Variants in PPP1R3B observed in about 807,000 individuals in gnomAD.
PPP1R3B encodes the protein PP1 subunit R4.
In PPP1R3B, 8 loss-of-function variants were observed where a neutral mutation model predicts 14.6. The observed-to-expected ratio is 0.55, with a 90% CI of 0.32 to 0.99. The LOEUF is 0.99. Among genes scored for constraint, PPP1R3B ranks in the 50% least tolerant of loss-of-function variants. The pLI, the probability that PPP1R3B is intolerant of heterozygous loss-of-function variation, is 0.04. For missense variants in PPP1R3B, 452 were observed against 360.1 expected (o/e 1.26, Z -2.07); for synonymous variants, 169 against 142.0 (o/e 1.19, Z -1.35).
chr8:9,148,061 G>A (rs964246715), intron 1 of PPP1R3B, among the ~76,000 whole-genome samples: 5 of 152,108 alleles, frequency 3.3e-5, no homozygotes, highest in African/African-American at 1.2e-4. Flanking sequence ...TATTTACCAG[G>A]TCATTCTCCA....
rs760934317 is a variant in PPP1R3B at position 9,141,583 on chromosome 8, G to A, written c.69C>T (p.Ala23=). The A allele has an allele frequency of 6.2e-7, 1 of 1,614,094 alleles. No homozygotes were observed. The highest frequency in any genetic ancestry group is 1.1e-5 in the South Asian group (1 of 91,084). The stretch of plus-strand genomic sequence containing the variant: ...TGCTGGGCTTTGGTGAGATCTTAAA[G>A]GCAAACCTCTCTTGGCGCAAGGAAG... ...MAPSLRQERF[A]FKISPKPSKP... Residue 23 remains alanine, a synonymous_variant, in exon 2 of 2, where the codon GCC becomes GCT. Coordinates refer to ENST00000310455, the MANE Select transcript of PPP1R3B (RefSeq NM_024607.4).
chr8:9,138,258 G>A lies in PPP1R3B; in HGVS notation c.*2536C>T, dbSNP rs1161199416. On this transcript the variant is annotated 3_prime_UTR_variant, in exon 2 of 2. Transcript: ENST00000310455. The stretch of plus-strand genomic sequence containing the variant: ...AAGTACTGTCTGTTACCCGATGTCT[G>A]GTATGTTTACATAAAACGTGGTTCT... 6.6e-6 allele frequency: 1 copy of A among 152,114 alleles called. No homozygotes were observed. The highest frequency in any genetic ancestry group is 1.5e-5 in the Non-Finnish European group (1 of 68,042). 9.4% of individuals were successfully genotyped at this position (152,114 alleles called of 1,614,324 possible).
Position 9,138,659 on chromosome 8 carries a change from A to G in PPP1R3B, c.*2135T>C, listed in dbSNP as rs1800971600. On this transcript the variant is annotated 3_prime_UTR_variant, in exon 2 of 2. Coordinates refer to ENST00000310455, the MANE Select transcript of PPP1R3B (RefSeq NM_024607.4). ...AGACTCTTAGCTTGAAAAGCCTGAC[A>G]ACTCTGCCTCCAAATCCAGGCAACT... 1 of 152,226 alleles carries G rather than the reference A, an allele frequency of 6.6e-6. No homozygotes were observed. The highest frequency in any genetic ancestry group is 2.4e-5 in the African/African-American group (1 of 41,456). The allele number at this position is 152,226 out of a possible 1,614,324, so 9.4% of individuals were successfully genotyped here.
In PPP1R3B at chr8:9,137,550, G is replaced by A. The variant is rs1800927356; in HGVS notation, c.*3244C>T. ...CTACTGATGATGAGCTATCAAACAAGGAGAGAATACATCAGCGCAGCTCCC... is the reference window on the plus strand; with the variant it reads ...CTACTGATGATGAGCTATCAAACAAAGAGAGAATACATCAGCGCAGCTCCC... On this transcript the variant is annotated 3_prime_UTR_variant, in exon 2 of 2. Coordinates refer to ENST00000310455, the MANE Select transcript of PPP1R3B (RefSeq NM_024607.4). The A allele has an allele frequency of 6.6e-6, 1 of 152,266 alleles. No individual in the cohort carries two copies. Among genetic ancestry groups the A allele is most frequent in the African/African-American group, 2.4e-5 (1 of 41,458 alleles). The allele number at this position is 152,266 out of a possible 1,614,324, so 9.4% of individuals were successfully genotyped here. A position where few individuals can be genotyped will look rare whatever the true frequency, so the allele number is the denominator to read the frequency against.
In PPP1R3B at chr8:9,139,470, G is replaced by A. The variant is rs1336385785; in HGVS notation, c.*1324C>T. The A allele has an allele frequency of 6.6e-6, 1 of 152,202 alleles. No individual in the cohort carries two copies. The highest frequency in any genetic ancestry group is 6.5e-5 in the Admixed American group (1 of 15,284). 9.4% of individuals were successfully genotyped at this position (152,202 alleles called of 1,614,324 possible). A position where few individuals can be genotyped will look rare whatever the true frequency, so the allele number is the denominator to read the frequency against. On this transcript the variant is annotated 3_prime_UTR_variant, in exon 2 of 2. Coordinates refer to ENST00000310455, the MANE Select transcript of PPP1R3B (RefSeq NM_024607.4). ...GATAAAACCATTTTCTGAAGGTTTC[G>A]AGGAGATATTGGATATGCAAATCAA...
intron 1 of PPP1R3B, among the ~76,000 whole-genome samples, chr8:9,148,695 A>G (rs956461446): frequency 1.3e-5 from 2 of 152,120 alleles, no homozygotes; most frequent in African/African-American, 4.8e-5. Flanking sequence ...CCTTCTCAAG[A>G]CAGCTGGCCA....
At chr8:9,144,817 T>G (rs1025852028) in intron 1 of PPP1R3B, among the ~76,000 whole-genome samples, 9 of 152,128 alleles carry the variant, frequency 5.9e-5, no homozygotes, top group Non-Finnish European at 1.2e-4. Flanking sequence ...ACAATCTCGG[T>G]TCACTGCAAC....
rs1800967680 is a variant in PPP1R3B at position 9,138,533 on chromosome 8, A to G, written c.*2261T>C. The G allele has an allele frequency of 6.6e-6, 1 of 152,196 alleles. No individual in the cohort carries two copies. The allele number at this position is 152,196 out of a possible 1,614,324, so 9.4% of individuals were successfully genotyped here. On this transcript the variant is annotated 3_prime_UTR_variant, in exon 2 of 2. Coordinates refer to ENST00000310455, the MANE Select transcript of PPP1R3B (RefSeq NM_024607.4). ...ACAACAAAAACAACCTAACCCAACC[A>G]CAAAACTCTAGGAGCCAAGGCACTC...
chr8:9,142,614 T>C (rs1487877214), intron 1 of PPP1R3B, among the ~76,000 whole-genome samples: 1 of 152,150 alleles, frequency 6.6e-6, no homozygotes, highest in Non-Finnish European at 1.5e-5. Context: ...CTCTTGAATT[T>C]ATTCCTCCCG....
chr8:9,141,749 C>G lies in PPP1R3B; in HGVS notation c.-17-81G>C, dbSNP rs940759287. ...CAGATGTGTAAAGGCATCATTCCAG[C>G]AGGGACTGGCAAACAATATTTCCTT... On this transcript the variant is annotated intron_variant, in intron 1 of 1. Transcript: ENST00000310455. 9.8e-6 allele frequency: 13 copies of G among 1,327,726 alleles called. No individual in the cohort carries two copies. In the East Asian group the frequency reaches 2.5e-4, roughly 25 times the overall value. The allele number at this position is 1,327,726 out of a possible 1,614,324, so 82.2% of individuals were successfully genotyped here. A position where few individuals can be genotyped will look rare whatever the true frequency, so the allele number is the denominator to read the frequency against.
Position 9,141,489 on chromosome 8 carries a change from G to T in PPP1R3B, c.163C>A (p.Gln55Lys). Reference sequence around the variant, plus strand: ...ACCCGCTTTTTCACCTTCTTCTCCTGGACAGCCGGGGCCACCATTCCACTG... The same window carrying T: ...ACCCGCTTTTTCACCTTCTTCTCCTTGACAGCCGGGGCCACCATTCCACTG... The part of the protein sequence containing the change: ...EASGMVAPAV[Q>K]EKKVKKRVSF... The change falls in exon 2 of 2, where the codon CAG becomes AAG. Residue 55 changes from glutamine to lysine, a missense_variant. Physicochemically the swap from Gln to Lys is moderately conservative, Grantham distance 53. Transcript: ENST00000310455. 1 of 1,614,122 alleles carries T rather than the reference G, an allele frequency of 6.2e-7. No homozygotes were observed. Among genetic ancestry groups the T allele is most frequent in the Non-Finnish European group, 8.5e-7 (1 of 1,180,032 alleles).
At chr8:9,144,934 C>T (rs915126885) in intron 1 of PPP1R3B, among the ~76,000 whole-genome samples, 6 of 152,058 alleles carry the variant, frequency 3.9e-5, no homozygotes, top group African/African-American at 1.4e-4. Context: ...TTAGTAGAGA[C>T]AGGGTTTCAC....
chr8:9,148,869 C>T (rs754329870), intron 1 of PPP1R3B, among the ~76,000 whole-genome samples: 2 of 151,886 alleles, frequency 1.3e-5, no homozygotes, highest in African/African-American at 4.8e-5. Context: ...TTCTCTTATT[C>T]TCTCTCTCTC....
upstream of PPP1R3B, chr8:9,151,532 C>G (rs957139365): frequency 4.4e-6 from 1 of 225,526 alleles, no homozygotes; most frequent in Non-Finnish European, 8.9e-6. Context: ...AGCAGTCACC[C>G]GGGACTCGAG....
intron 1 of PPP1R3B, among the ~76,000 whole-genome samples, chr8:9,143,492 A>G (rs1801151450): frequency 6.6e-6 from 1 of 152,208 alleles, no homozygotes; most frequent in South Asian, 2.1e-4. Context: ...ATCTGAGGTC[A>G]GGAGTTTGAG....
intron 1 of PPP1R3B, among the ~76,000 whole-genome samples, chr8:9,148,587 A>G (rs1801312258): frequency 6.6e-6 from 1 of 152,190 alleles, no homozygotes; most frequent in South Asian, 2.1e-4. Flanking sequence ...GCCATGCTTG[A>G]GGGTAGATTA....
At chr8:9,145,633 C>T (rs1361555662) in intron 1 of PPP1R3B, among the ~76,000 whole-genome samples, 3 of 152,058 alleles carry the variant, frequency 2.0e-5, no homozygotes, top group Non-Finnish European at 4.4e-5. Flanking sequence ...CCCTAGACTC[C>T]ATGTTGTCCA....
At position 9,137,361 on chromosome 8, in the gene PPP1R3B, T is replaced by G. The variant is rs1800921143; in HGVS notation, c.*3433A>C. ...TTCCCTATTGCCGGACAACTGCACC[T>G]GTGACAGGTGGCTGGTCTTTCTGGG... On this transcript the variant is annotated 3_prime_UTR_variant, in exon 2 of 2. Coordinates refer to ENST00000310455, the MANE Select transcript of PPP1R3B (RefSeq NM_024607.4). 6.6e-6 allele frequency: 1 copy of G among 152,230 alleles called. No individual in the cohort carries two copies. The highest frequency in any genetic ancestry group is 2.4e-5 in the African/African-American group (1 of 41,462). The allele number at this position is 152,230 out of a possible 1,614,324, so 9.4% of individuals were successfully genotyped here.
rs1476677879 is a variant in PPP1R3B at position 9,136,750 on chromosome 8, G to A, written c.*4044C>T. 1 of 152,196 alleles carries A rather than the reference G, an allele frequency of 6.6e-6. No homozygotes were observed. Among genetic ancestry groups the A allele is most frequent in the African/African-American group, 2.4e-5 (1 of 41,448 alleles). 9.4% of individuals were successfully genotyped at this position (152,196 alleles called of 1,614,324 possible). A position where few individuals can be genotyped will look rare whatever the true frequency, so the allele number is the denominator to read the frequency against. On this transcript the variant is annotated 3_prime_UTR_variant, in exon 2 of 2. Transcript: ENST00000310455. Reference sequence around the variant, plus strand: ...GTAACTTCTTGTCTCCGATTTCAGTGAACATGTCAGGAGAGACGTGATCGG... The same window carrying A: ...GTAACTTCTTGTCTCCGATTTCAGTAAACATGTCAGGAGAGACGTGATCGG...
Sources: gnomAD v4.1 joint callset for allele counts (sites outside exome capture counted in the v4.1 genomes callset) on GRCh38, gnomAD v4.1.1 for gene constraint, MANE v1.5 for transcripts, NCBI Gene and HGNC (gene_info 2026-07-23, HGNC 2026-07-21) for gene names.